The following ACTN4 variants were observed in gnomAD, a reference collection of about 807,000 sequenced individuals.
ACTN4 encodes alpha-actinin-4.
ACTN4 carries 18 observed loss-of-function variants against 114.2 expected under a neutral mutation model. That is an observed-to-expected ratio of 0.16 (90% CI 0.11 to 0.23). The LOEUF is 0.23. Among genes scored for constraint, ACTN4 ranks in the 10% least tolerant of loss-of-function variants. The pLI is 1.00. For synonymous variants in ACTN4, 515 were observed against 506.3 expected, an observed-to-expected ratio of 1.02 and a Z score of -0.23; for missense variants, 722 against 1,262.9, an observed-to-expected ratio of 0.57 and a Z score of 6.49.
chr19:38,711,258 C>T (rs527883021), intron 8 of ACTN4: 134 of 916,990 alleles, frequency 1.5e-4, no homozygotes, highest in Middle Eastern at 1.4e-3. Flanking sequence ...CTCTCTCTTT[C>T]TCTCTCTCTC....
intron 1 of ACTN4, among the ~76,000 whole-genome samples, chr19:38,651,432 C>T (rs1018993710): frequency 1.3e-5 from 2 of 152,204 alleles, no homozygotes. Context: ...AGTTCTGGGC[C>T]ACAGTTCCCT....
intron 1 of ACTN4, among the ~76,000 whole-genome samples, chr19:38,668,853 A>G (rs374787816): frequency 3.8e-4 from 58 of 152,078 alleles, no homozygotes; most frequent in African/African-American, 9.9e-4. Flanking sequence ...GGTTTTTCCA[A>G]TGTGCTCTGT....
chr19:38,730,628 G>T lies in ACTN4; in HGVS notation c.*1196G>T, dbSNP rs1322008090. The T allele has an allele frequency of 1.5e-5, 9 of 613,544 alleles. No individual in the cohort carries two copies. The highest frequency in any genetic ancestry group is 2.6e-5 in the Non-Finnish European group (9 of 343,966). The allele number at this position is 613,544 out of a possible 1,614,324, so 38.0% of individuals were successfully genotyped here. ...TAGCACTGTCTTAAGCTGTCAACGT[G>T]GACTAGCTCGTGTCATCTGCTCGAG... On this transcript the variant is annotated 3_prime_UTR_variant, in exon 21 of 21. Transcript: ENST00000252699.
intron 1 of ACTN4, among the ~76,000 whole-genome samples, chr19:38,692,785 TG>T (rs1339070055): frequency 1.3e-5 from 2 of 152,160 alleles, no homozygotes; most frequent in Non-Finnish European, 2.9e-5. Flanking sequence ...GTCCAAGCCC[TG>T]GACACCCTTC....
intron 1 of ACTN4, among the ~76,000 whole-genome samples, chr19:38,686,075 C>G (rs574151604): frequency 3.3e-5 from 5 of 152,270 alleles, no homozygotes; most frequent in African/African-American, 1.2e-4. Flanking sequence ...GTTCCTGCAC[C>G]TGGCAAGATC....
chr19:38,722,772 C>CA (rs1338217318), intron 12 of ACTN4, among the ~76,000 whole-genome samples: 1 of 152,212 alleles, frequency 6.6e-6, no homozygotes, highest in African/African-American at 2.4e-5. Flanking sequence ...TGGTAGGAAA[C>CA]AGACTTGAAA....
intron 9 of ACTN4, 135 bp from the exon 10 acceptor site, chr19:38,716,951 G>T: frequency 1.0e-6 from 1 of 970,892 alleles, no homozygotes; most frequent in Non-Finnish European, 1.6e-6. Flanking sequence ...GGAGAAGTTG[G>T]GCTGGGGAGC....
intron 1 of ACTN4, among the ~76,000 whole-genome samples, chr19:38,676,768 G>C (rs1348118670): frequency 6.6e-6 from 1 of 152,142 alleles, no homozygotes; most frequent in Non-Finnish European, 1.5e-5. Flanking sequence ...GCATGACCAG[G>C]TGCTCTAGCT....
At position 38,725,897 on chromosome 19, in the gene ACTN4, C is replaced by A; in HGVS notation, c.2184C>A (p.Thr728=). ...LIFDNKHTNY[T]MEHIRVGWEQ... is the part of the protein sequence containing the mutation. ...TCGACAACAAGCACACCAACTATAC[C>A]ATGGAGGTGCGCGGCTGCCCCGCCC... The change falls in exon 17 of 21, where the codon ACC becomes ACA. Residue 728 remains threonine (T), a synonymous_variant. Transcript: ENST00000252699. 1.2e-6 allele frequency: 2 copies of A among 1,613,940 alleles called. No individual in the cohort carries two copies. Among genetic ancestry groups the A allele is most frequent in the Non-Finnish European group, 1.7e-6 (2 of 1,180,034 alleles).
At chr19:38,692,293 C>T (rs1029242667) in intron 1 of ACTN4, among the ~76,000 whole-genome samples, 1 of 152,232 alleles carries the variant, frequency 6.6e-6, no homozygotes, top group African/African-American at 2.4e-5. Flanking sequence ...CCCCGTGTGT[C>T]GCTGAACTGC....
intron 9 of ACTN4, among the ~76,000 whole-genome samples, chr19:38,715,648 C>T (rs883433): frequency 0.38 from 58,233 of 152,044 alleles, 12,218 homozygotes; most frequent in Non-Finnish European, 0.47. Flanking sequence ...TTTATTTTGC[C>T]AAGTTACGGA....
intron 1 of ACTN4, chr19:38,683,830 C>T (rs1967653578): frequency 6.6e-6 from 1 of 152,134 alleles, no homozygotes; most frequent in African/African-American, 2.4e-5. Context: ...AGCTCTGATT[C>T]TCACCCGGTC....
At chr19:38,705,987 C>T (rs1279333203) in intron 4 of ACTN4, 57 bp from the exon 5 acceptor site, 5 of 1,587,310 alleles carry the variant, frequency 3.1e-6, no homozygotes, top group Non-Finnish European at 3.5e-6. Flanking sequence ...CCAACTTGGG[C>T]TGAGTTCTGA....
chr19:38,727,904 C>T lies in ACTN4; in HGVS notation c.2338-42C>T, dbSNP rs199581890. Reference sequence around the variant, plus strand: ...CCCCGATCCCTCATCCTGGTCTCCACGCCGCCCCTCCCGCACACCTGCCTT... The same window carrying T: ...CCCCGATCCCTCATCCTGGTCTCCATGCCGCCCCTCCCGCACACCTGCCTT... On this transcript the variant is annotated intron_variant, in intron 18 of 20. Transcript: ENST00000252699. The surrounding 1 kb of genome is among the most constrained non-coding windows in gnomAD (Gnocchi z 5.4). The T allele has an allele frequency of 9.4e-6, 15 of 1,597,594 alleles. No individual in the cohort carries two copies. The highest frequency in any genetic ancestry group is 3.4e-5 in the Admixed American group (2 of 59,396).
intron 8 of ACTN4, 36 bp from the exon 9 acceptor site, chr19:38,714,433 G>A (rs1568733862): frequency 1.9e-6 from 3 of 1,606,336 alleles, no homozygotes; most frequent in Non-Finnish European, 2.6e-6. Context: ...AGGGTGGCCA[G>A]CCCCCAGGCA....
chr19:38,670,142 G>A (rs1002555210), intron 1 of ACTN4, among the ~76,000 whole-genome samples: 1 of 152,082 alleles, frequency 6.6e-6, no homozygotes, highest in African/African-American at 2.4e-5. Flanking sequence ...ATTCAGATAG[G>A]GTGGCTGGAA....
chr19:38,657,291 C>T lies in ACTN4; in HGVS notation c.162+9384C>T, dbSNP rs543074084. Among the ~76,000 whole-genome samples, 225 of 152,110 alleles carry T rather than the reference C, an allele frequency of 1.5e-3. 2 individuals are homozygous for T. The highest frequency in any genetic ancestry group is 3.4e-3 in the Middle Eastern group (1 of 294). ...CCAAGTAGCTGGGATTACAGGCGCG[C>T]GCCACGACGCCCAGCTAATTTTTGT... is the stretch of plus-strand genomic sequence containing the variant. On this transcript the variant is annotated intron_variant, in intron 1 of 20. Coordinates refer to ENST00000252699, the MANE Select transcript of ACTN4 (RefSeq NM_004924.6).
intron 19 of ACTN4, among the ~76,000 whole-genome samples, chr19:38,728,621 G>T (rs1003940682): frequency 1.1e-4 from 17 of 152,018 alleles, no homozygotes; most frequent in Non-Finnish European, 2.4e-4. Flanking sequence ...AGAAAGAGGG[G>T]GCAGCTCTCC....
At chr19:38,695,153 G>A (rs559946028) in intron 1 of ACTN4, among the ~76,000 whole-genome samples, 1 of 152,308 alleles carries the variant, frequency 6.6e-6, no homozygotes, top group East Asian at 1.9e-4. Context: ...GGGATTACAT[G>A]GTGTGTGCCA....
Sources: allele counts gnomAD v4.1 joint callset (sites outside exome capture counted in the v4.1 genomes callset), GRCh38; gene constraint gnomAD v4.1.1; non-coding constraint Gnocchi (gnomAD v3.1); transcripts MANE v1.5; gene names NCBI Gene and HGNC (gene_info 2026-07-23, HGNC 2026-07-21).